Variants in KDM5B observed in about 807,000 individuals in gnomAD.
KDM5B encodes the protein lysine-specific demethylase 5B.
KDM5B carries 144 observed loss-of-function variants against 193.4 expected under a neutral mutation model. The ratio of observed to expected loss-of-function variants is 0.74; its 90% CI spans 0.65 to 0.86. The LOEUF is 0.86. KDM5B is among the 40% of genes least tolerant of loss of function. The probability of loss-of-function intolerance (pLI) is 0.00; values close to 1 mark genes in which losing one functional copy is unlikely to be tolerated. For synonymous variants in KDM5B, 668 were observed against 682.6 expected (o/e 0.98, Z 0.33); for missense variants, 1,833 against 1,886.9 (o/e 0.97, Z 0.53).
At chr1:202,773,972 G>A (rs921167671) in intron 3 of KDM5B, among the ~76,000 whole-genome samples, 33 of 152,070 alleles carry the variant, frequency 2.2e-4, no homozygotes, top group African/African-American at 7.7e-4. Flanking sequence ...CCTGACCTCA[G>A]GTGATCCACC....
chr1:202,770,920 A>G (rs1043534140), intron 4 of KDM5B, among the ~76,000 whole-genome samples: 3 of 152,232 alleles, frequency 2.0e-5, no homozygotes, highest in African/African-American at 7.2e-5. Flanking sequence ...TGCAATGTTT[A>G]CAAAAGGGTA....
intron 20 of KDM5B, among the ~76,000 whole-genome samples, chr1:202,737,729 GGGATA>G (rs1237696754): frequency 6.6e-6 from 1 of 152,170 alleles, no homozygotes; most frequent in Admixed American, 6.5e-5. Context: ...AGCATACCAT[GGGATA>G]ACTGTCTAGT....
intron 1 of KDM5B, among the ~76,000 whole-genome samples, chr1:202,788,862 T>A (rs1324308804): frequency 6.6e-6 from 1 of 152,188 alleles, no homozygotes; most frequent in Non-Finnish European, 1.5e-5. Flanking sequence ...AGAAAAAATT[T>A]CTGGCAGAAA....
In KDM5B at chr1:202,786,195, G is replaced by C. The variant is rs568863894; in HGVS notation, c.205-9101C>G. On this transcript the variant is annotated intron_variant, in intron 1 of 26. Transcript: ENST00000367265. ...TTTTTTTTAAGAGACGGGGGGTGGG[G>C]GGGGGGGTCTCACTATGTTGCACAG... Among the ~76,000 whole-genome samples, 92 of 105,502 alleles carry C rather than the reference G, an allele frequency of 8.7e-4. 1 individual carries two copies. The highest frequency in any genetic ancestry group is 2.5e-3 in the African/African-American group (69 of 27,670). The allele number at this position is 105,502 out of a possible 152,430, so 69.2% of individuals were successfully genotyped here. A position where few individuals can be genotyped will look rare whatever the true frequency, so the allele number is the denominator to read the frequency against.
rs537918035 is a variant in KDM5B, at chr1:202,725,941, T to A, written c.*3095A>T. On this transcript the variant is annotated 3_prime_UTR_variant, in exon 27 of 27. Coordinates refer to ENST00000367265, the MANE Select transcript of KDM5B (RefSeq NM_006618.5). ...ATACCTGCTCCAAGCCAGAAGCAGGTCTTAACAGACTGCCAAATATCCATC... is the reference window on the plus strand; with the variant it reads ...ATACCTGCTCCAAGCCAGAAGCAGGACTTAACAGACTGCCAAATATCCATC... The A allele has an allele frequency of 1.6e-4, 25 of 152,074 alleles. No individual in the cohort carries two copies. The highest frequency in any genetic ancestry group is 3.4e-4 in the Non-Finnish European group (23 of 68,034). 9.4% of individuals were successfully genotyped at this position (152,074 alleles called of 1,614,324 possible).
In KDM5B at chr1:202,729,729, C is replaced by G. The variant is rs1427443788; in HGVS notation, c.4475G>C (p.Cys1492Ser). Residue 1492 changes from cysteine (C) to serine (S), a missense_variant, in exon 26 of 27, where the codon TGC becomes TCC. This residue lies in a region of KDM5B where 1,379 missense variants were observed against 1,349.6 expected (regional missense o/e 1.02). Transcript: ENST00000367265. ...GACCTCATCTCCTTCTGGCTGCAGG[C>G]AGCTCACAGCTGGGCAGATGGCATC... Reference protein sequence around the residue: ...DEDAICPAVSCLQPEGDEVDW... With the variant: ...DEDAICPAVSSLQPEGDEVDW... The G allele has an allele frequency of 1.2e-6, 2 of 1,613,508 alleles. No individual in the cohort carries two copies. The highest frequency in any genetic ancestry group is 2.2e-5 in the East Asian group (1 of 44,884).
chr1:202,786,491 T>C (rs1228635095), intron 1 of KDM5B, among the ~76,000 whole-genome samples: 1 of 152,182 alleles, frequency 6.6e-6, no homozygotes, highest in African/African-American at 2.4e-5. Flanking sequence ...CCAGCAAACC[T>C]AGGTATGGTT....
chr1:202,731,241 A>C (rs1401146832), intron 24 of KDM5B, among the ~76,000 whole-genome samples, 178 bp from the exon 25 acceptor site: 2 of 152,226 alleles, frequency 1.3e-5, no homozygotes, highest in African/African-American at 2.4e-5. Flanking sequence ...ACAATATAAT[A>C]AACAGAGCCA....
intron 1 of KDM5B, among the ~76,000 whole-genome samples, chr1:202,784,282 G>T (rs974812352): frequency 6.6e-6 from 1 of 152,156 alleles, no homozygotes; most frequent in Non-Finnish European, 1.5e-5. Flanking sequence ...CAGAGGCTAC[G>T]AAAGTTGGCT....
Position 202,742,776 on chromosome 1 carries a change from C to T in KDM5B, c.2353G>A (p.Glu785Lys), listed in dbSNP as rs1397229152. 15 of 1,613,990 alleles carry T rather than the reference C, an allele frequency of 9.3e-6. No individual in the cohort carries two copies. In the African/African-American group the frequency reaches 2.0e-4, roughly 22 times the overall value. ...SLVSFKALIE[E>K]SEMKKFPDND... ...TCTGGGAATTTCTTCATTTCAGATT[C>T]TTCAATTAAAGCCTTGAAGCTGACA... The change falls in exon 17 of 27, where the codon GAA (glutamate) becomes AAA (lysine). Residue 785 changes from glutamate to lysine, a missense_variant. Glu to Lys is a moderately conservative substitution (Grantham distance 56). Around this residue, in one of 3 missense-constraint regions of KDM5B, gnomAD observed 1,379 missense variants for 1,349.6 expected, o/e 1.02. Transcript: ENST00000367265.
chr1:202,755,452 C>G lies in KDM5B; in HGVS notation c.1357G>C (p.Glu453Gln), dbSNP rs1655970713. 6.2e-7 allele frequency: 1 copy of G among 1,608,396 alleles called. No homozygotes were observed. Residue 453 changes from glutamate to glutamine, a missense_variant and splice_region_variant, in exon 11 of 27, where the codon GAG becomes CAG. Physicochemically the swap from Glu to Gln is conservative, Grantham distance 29. Coordinates refer to ENST00000367265, the MANE Select transcript of KDM5B (RefSeq NM_006618.5). ...AAATTCCAGCCACTATCAAGATACT[C>G]CTAAAAATAAGAAGACAAAAGAGGA... ...GKIKLSPEEE[E>Q]YLDSGWNLNN...
At chr1:202,796,131 G>T in intron 1 of KDM5B, 1 of 217,248 alleles carries the variant, frequency 4.6e-6, no homozygotes, top group Non-Finnish European at 9.4e-6. Flanking sequence ...CCCTGGACAT[G>T]GTGGAAGGTC....
chr1:202,766,573 C>A, intron 5 of KDM5B: 1 of 417,568 alleles, frequency 2.4e-6, no homozygotes, highest in Non-Finnish European at 4.5e-6. Flanking sequence ...TTTAAAAAAA[C>A]TCCTAATCTT....
At position 202,749,089 on chromosome 1, in the gene KDM5B, A is replaced by G. The variant is rs377710420; in HGVS notation, c.1872T>C (p.Tyr624=). The G allele has an allele frequency of 1.6e-4, 260 of 1,614,006 alleles. No individual in the cohort carries two copies. Among genetic ancestry groups the G allele is most frequent in the Non-Finnish European group, 2.0e-4 (234 of 1,180,000 alleles). ...TCATCTCATCGTGGGAAAACACACA[A>G]TATCGATGAAGCAAGCGATAATGCT... ...CVEHYRLLHR[Y]CVFSHDEMIC... is the part of the protein sequence containing the mutation. The change falls in exon 14 of 27, where the codon TAT becomes TAC. Residue 624 remains tyrosine (Y), a synonymous_variant. Coordinates refer to ENST00000367265, the MANE Select transcript of KDM5B (RefSeq NM_006618.5).
intron 1 of KDM5B, among the ~76,000 whole-genome samples, chr1:202,783,826 A>G (rs1657298613): frequency 6.6e-6 from 1 of 152,126 alleles, no homozygotes; most frequent in African/African-American, 2.4e-5. Flanking sequence ...GCTTGCAGTG[A>G]GCCAAGATCA....
Position 202,733,583 on chromosome 1 carries a change from G to A in KDM5B, c.3727C>T (p.Arg1243Ter), listed in dbSNP as rs869312703. Residue 1243 changes from arginine (R) to a stop codon, truncating the protein, a stop_gained, in exon 23 of 27, where the codon CGA becomes TGA. Transcript: ENST00000367265. LOFTEE classifies it high-confidence loss of function. Reference protein sequence around the residue: ...LPLLASLQRIRVRLPEGDALR... With the variant: ...LPLLASLQRI The stretch of plus-strand genomic sequence containing the variant: ...GCATCTCCCTCAGGAAGGCGAACTC[G>A]GATACGCTGAAGGGAGGCGAGCAGG... 8 of 1,613,974 alleles carry A rather than the reference G, an allele frequency of 5.0e-6. No individual in the cohort carries two copies. Among genetic ancestry groups the A allele is most frequent in the Non-Finnish European group, 6.8e-6 (8 of 1,180,020 alleles).
At position 202,806,255 on chromosome 1, in the gene KDM5B, G is replaced by A. The variant is rs186433355; in HGVS notation, c.204+1847C>T. ...ATACCAACATGGAGGACACCTCCCA[G>A]GAACCTGACTCCCCACGTTTTGGTT... On this transcript the variant is annotated intron_variant, in intron 1 of 26. Coordinates refer to ENST00000367265, the MANE Select transcript of KDM5B (RefSeq NM_006618.5). Among the ~76,000 whole-genome samples the A allele has an allele frequency of 4.6e-5, 7 of 152,252 alleles. No homozygotes were observed. In the East Asian group the frequency reaches 1.3e-3, roughly 29 times the overall value.
At chr1:202,739,110 T>C (rs1255300978) in intron 20 of KDM5B, among the ~76,000 whole-genome samples, 2 of 152,214 alleles carry the variant, frequency 1.3e-5, no homozygotes, top group Non-Finnish European at 2.9e-5. Flanking sequence ...TATTACTGAT[T>C]GTCTGAACTT....
intron 1 of KDM5B, among the ~76,000 whole-genome samples, chr1:202,779,821 A>AAATG (rs1332522375): frequency 4.0e-5 from 6 of 150,078 alleles, no homozygotes; most frequent in Admixed American, 2.0e-4. Context: ...ATAAATAAAT[A>AAATG]AATAAATAAA....
Sources: allele counts gnomAD v4.1 joint callset (sites outside exome capture counted in the v4.1 genomes callset), GRCh38; gene constraint gnomAD v4.1.1; regional missense constraint gnomAD v4.1.1; transcripts MANE v1.5; gene names NCBI Gene and HGNC (gene_info 2026-07-23, HGNC 2026-07-21).